Variants in PRKCA observed in about 807,000 individuals in gnomAD.
PRKCA encodes protein kinase C alpha type.
A neutral mutation model predicts 87.0 loss-of-function variants in PRKCA; 27 were observed. The observed-to-expected ratio is 0.31, with a 90% CI of 0.23 to 0.43. The LOEUF (loss-of-function observed/expected upper bound fraction) is 0.43. Ranked by LOEUF, PRKCA falls within the 20% of genes least tolerant of loss-of-function variation. PRKCA has a pLI of 1.00. For missense variants in PRKCA, 518 were observed against 852.3 expected (o/e 0.61, Z 4.88); for synonymous variants, 329 against 311.1 (o/e 1.06, Z -0.61).
At chr17:66,609,305 A>G (rs984496597) in intron 3 of PRKCA, among the ~76,000 whole-genome samples, 4 of 152,184 alleles carry the variant, frequency 2.6e-5, no homozygotes, top group Non-Finnish European at 5.9e-5. Flanking sequence ...TTACGGGGCT[A>G]CTACTTTGCC....
At chr17:66,546,803 G>GT (rs1968158401) in intron 3 of PRKCA, among the ~76,000 whole-genome samples, 1 of 152,066 alleles carries the variant, frequency 6.6e-6, no homozygotes, top group Non-Finnish European at 1.5e-5. Context: ...ACCTCTTCGT[G>GT]TTTTGTTTTG....
chr17:66,575,838 C>T (rs1009098153), intron 3 of PRKCA, among the ~76,000 whole-genome samples: 4 of 151,730 alleles, frequency 2.6e-5, no homozygotes, highest in South Asian at 2.1e-4. Flanking sequence ...GAAACAGGAC[C>T]GGGCACGTGG....
intron 8 of PRKCA, among the ~76,000 whole-genome samples, chr17:66,699,089 C>G (rs1007939915): frequency 3.3e-5 from 5 of 151,296 alleles, no homozygotes; most frequent in African/African-American, 1.2e-4. Context: ...GTCCCAGCTA[C>G]TTAGAGGGCT....
chr17:66,523,876 C>T (rs117314938), intron 3 of PRKCA, among the ~76,000 whole-genome samples: 1 of 152,284 alleles, frequency 6.6e-6, no homozygotes, highest in East Asian at 1.9e-4. Context: ...ATGATGTCAA[C>T]ATATCTAATA....
At chr17:66,581,080 A>C (rs1163713299) in intron 3 of PRKCA, among the ~76,000 whole-genome samples, 2 of 152,224 alleles carry the variant, frequency 1.3e-5, no homozygotes, top group African/African-American at 4.8e-5. Context: ...TTCAGCAGTA[A>C]TTAAAATGAC....
At chr17:66,318,313 A>C (rs1346300139) in intron 2 of PRKCA, among the ~76,000 whole-genome samples, 1 of 152,248 alleles carries the variant, frequency 6.6e-6, no homozygotes, top group Non-Finnish European at 1.5e-5. Context: ...GTTAATTACA[A>C]ACAGTTTAGA....
intron 3 of PRKCA, among the ~76,000 whole-genome samples, chr17:66,610,306 C>T (rs575851651): frequency 4.6e-5 from 7 of 152,264 alleles, no homozygotes; most frequent in Non-Finnish European, 7.3e-5. Flanking sequence ...ATGGCCTCCC[C>T]GGACCCACCA....
chr17:66,799,645 G>A, intron 16 of PRKCA, among the ~76,000 whole-genome samples: 1 of 135,014 alleles, frequency 7.4e-6, no homozygotes, highest in East Asian at 2.2e-4. Context: ...TGGTGGTGAT[G>A]GTGGTGGTAG....
At chr17:66,648,641 CTAAT>C (rs1971511984) in intron 5 of PRKCA, among the ~76,000 whole-genome samples, 1 of 152,174 alleles carries the variant, frequency 6.6e-6, no homozygotes, top group South Asian at 2.1e-4. Flanking sequence ...AAGGAAATAA[CTAAT>C]TAGTAATTAC....
intron 3 of PRKCA, among the ~76,000 whole-genome samples, chr17:66,549,141 GTTT>G (rs538579897): frequency 0.048 from 6,703 of 138,540 alleles, 418 homozygotes; most frequent in African/African-American, 0.14. Flanking sequence ...GTTTATGGCA[GTTT>G]TTTTTTTTTT....
intron 4 of PRKCA, among the ~76,000 whole-genome samples, chr17:66,642,972 G>A (rs541658500): frequency 2.0e-5 from 3 of 152,172 alleles, no homozygotes; most frequent in South Asian, 2.1e-4. Flanking sequence ...CCCAGGAGGC[G>A]GCGGTTGCTG....
chr17:66,651,576 G>A lies in PRKCA; in HGVS notation c.529+6065G>A, dbSNP rs189536043. 9.8e-4 allele frequency among the ~76,000 whole-genome samples: 150 copies of A among 152,316 alleles called. 1 individual carries two copies. Among genetic ancestry groups the A allele is most frequent in the African/African-American group, 3.3e-3 (139 of 41,564 alleles). On this transcript the variant is annotated intron_variant, in intron 5 of 16. Transcript: ENST00000413366. The stretch of plus-strand genomic sequence containing the variant: ...ATAACTTGTTGGAGGCTGCCAGCAA[G>A]GAGATGCACCAAGCTCCTTATTTAA...
Position 66,742,731 on chromosome 17 carries a change from T to G in PRKCA, c.1495T>G (p.Cys499Gly). 1 of 1,614,162 alleles carries G rather than the reference T, an allele frequency of 6.2e-7. No homozygotes were observed. The change falls in exon 13 of 17, where the codon TGT becomes GGT. Residue 499 changes from cysteine to glycine, a missense_variant. Cys to Gly is a radical substitution (Grantham distance 159). Coordinates refer to ENST00000413366, the MANE Select transcript of PRKCA (RefSeq NM_002737.3). ...GGATGGAGTCACGACCAGGACCTTC[T>G]GTGGGACTCCAGATTATATCGCCCC... ...MMDGVTTRTF[C>G]GTPDYIAPEI...
intron 5 of PRKCA, among the ~76,000 whole-genome samples, chr17:66,646,778 G>C (rs1971468912): frequency 6.6e-6 from 1 of 152,164 alleles, no homozygotes; most frequent in South Asian, 2.1e-4. Flanking sequence ...TAAGAACTCA[G>C]AGAAGAACAA....
chr17:66,556,566 G>A (rs1968501847), intron 3 of PRKCA, among the ~76,000 whole-genome samples: 1 of 152,108 alleles, frequency 6.6e-6, no homozygotes, highest in Non-Finnish European at 1.5e-5. Flanking sequence ...CTATGGTCTG[G>A]CTCTGTTTCC....
At chr17:66,713,329 C>T (rs1220444178) in intron 8 of PRKCA, among the ~76,000 whole-genome samples, 3 of 152,058 alleles carry the variant, frequency 2.0e-5, no homozygotes, top group Admixed American at 6.6e-5. Context: ...GGATTACAGT[C>T]GTGAGCCACC....
chr17:66,324,352 A>G (rs1905851671), intron 2 of PRKCA, among the ~76,000 whole-genome samples: 1 of 151,884 alleles, frequency 6.6e-6, no homozygotes, highest in South Asian at 2.1e-4. Context: ...CTGTAATCCC[A>G]GCACTTTGGG....
At chr17:66,592,204 A>G (rs1238206803) in intron 3 of PRKCA, among the ~76,000 whole-genome samples, 1 of 151,896 alleles carries the variant, frequency 6.6e-6, no homozygotes, top group Non-Finnish European at 1.5e-5. Flanking sequence ...CAAATACAAA[A>G]ATTAGCCGGG....
intron 5 of PRKCA, among the ~76,000 whole-genome samples, chr17:66,658,979 T>G (rs1383157052): frequency 2.0e-5 from 3 of 152,256 alleles, no homozygotes; most frequent in African/African-American, 7.2e-5. Flanking sequence ...GTAGAACAGT[T>G]GCATATTAAG....
Sources: gnomAD v4.1 joint callset for allele counts (sites outside exome capture counted in the v4.1 genomes callset) on GRCh38, gnomAD v4.1.1 for gene constraint, MANE v1.5 for transcripts, NCBI Gene and HGNC (gene_info 2026-07-23, HGNC 2026-07-21) for gene names.